Variants in ENO4 observed in about 807,000 individuals in gnomAD.
ENO4 encodes the protein enolase 4.
ENO4 carries 53 observed loss-of-function variants against 63.2 expected under a neutral mutation model. That is an observed-to-expected ratio of 0.84 (90% CI 0.67 to 1.05). The LOEUF (loss-of-function observed/expected upper bound fraction) is 1.05. Ranked by LOEUF, ENO4 falls within the 50% of genes least tolerant of loss-of-function variation. The pLI, the probability that ENO4 is intolerant of heterozygous loss-of-function variation, is 0.00. For synonymous variants in ENO4, 266 were observed against 283.8 expected (o/e 0.94, Z 0.63); for missense variants, 719 against 772.0 (o/e 0.93, Z 0.81).
intron 10 of ENO4, among the ~76,000 whole-genome samples, chr10:116,897,533 T>C (rs1227072107): frequency 6.6e-6 from 1 of 152,234 alleles, no homozygotes; most frequent in East Asian, 1.9e-4. Context: ...CCAAGTCATC[T>C]GGCCCACTCA....
intron 10 of ENO4, among the ~76,000 whole-genome samples, chr10:116,909,787 C>T (rs1848119130): frequency 6.6e-6 from 1 of 152,166 alleles, no homozygotes; most frequent in African/African-American, 2.4e-5. Context: ...CTAAGTCTTA[C>T]AACTTGGGTC....
At position 116,874,208 on chromosome 10, in the gene ENO4, A is replaced by T; in HGVS notation, c.1341+7A>T. The T allele has an allele frequency of 6.6e-7, 1 of 1,526,142 alleles. No individual in the cohort carries two copies. The highest frequency in any genetic ancestry group is 8.9e-7 in the Non-Finnish European group (1 of 1,128,862). The allele number at this position is 1,526,142 out of a possible 1,614,324, so 94.5% of individuals were successfully genotyped here. A position where few individuals can be genotyped will look rare whatever the true frequency, so the allele number is the denominator to read the frequency against. ...TGATCCTTTCAGGAAGGAGGTAAGC[A>T]CCCCACCTTCCATATTTTATAACAT... On this transcript the variant is annotated splice_region_variant and intron_variant, in intron 10 of 13. Transcript: ENST00000341276.
In ENO4 at chr10:116,872,876, C is replaced by T. The variant is rs1253363348; in HGVS notation, c.1216-1200C>T. ...AAGAGCCCTAAATTTTGCTTGACTT[C>T]TAAAAGTTCTTTTACTTTTCTAAAG... is the stretch of plus-strand genomic sequence containing the variant. On this transcript the variant is annotated intron_variant, in intron 9 of 13. Transcript: ENST00000341276. Among the ~76,000 whole-genome samples the T allele has an allele frequency of 2.0e-5, 3 of 152,180 alleles. No individual in the cohort carries two copies. The East Asian group carries it at 5.8e-4, about 29-fold the overall frequency.
At chr10:116,859,593 T>G (rs1323541940) in intron 4 of ENO4, among the ~76,000 whole-genome samples, 1 of 152,242 alleles carries the variant, frequency 6.6e-6, no homozygotes, top group African/African-American at 2.4e-5. Context: ...ATAGAAATTA[T>G]CACTTCAATT....
At chr10:116,890,981 A>C in intron 10 of ENO4, among the ~76,000 whole-genome samples, 1 of 152,204 alleles carries the variant, frequency 6.6e-6, no homozygotes, top group Admixed American at 6.5e-5. Flanking sequence ...ATTCAACAAC[A>C]TTCTAGCTAA....
chr10:116,855,894 C>A, intron 2 of ENO4, 143 bp downstream of exon 2: 1 of 968,082 alleles, frequency 1.0e-6, no homozygotes, highest in Non-Finnish European at 1.5e-6. Flanking sequence ...AAGCATGAAT[C>A]ATACCATCAA....
At chr10:116,912,046 A>C (rs1175361947), downstream of ENO4, among the ~76,000 whole-genome samples, 1 of 152,252 alleles carries the variant, frequency 6.6e-6, no homozygotes, top group Non-Finnish European at 1.5e-5. Context: ...ACAAAAAATA[A>C]GAAGTTATAT....
chr10:116,865,597 A>G (rs933111441), intron 7 of ENO4, among the ~76,000 whole-genome samples: 2 of 152,174 alleles, frequency 1.3e-5, no homozygotes, highest in Non-Finnish European at 2.9e-5. Flanking sequence ...AAATGTAGCA[A>G]TCTGTTCTTT....
At chr10:116,892,405 G>A (rs1260641564) in intron 10 of ENO4, among the ~76,000 whole-genome samples, 1 of 152,142 alleles carries the variant, frequency 6.6e-6, no homozygotes, top group Non-Finnish European at 1.5e-5. Context: ...CTTAAGCTTC[G>A]TTTTTTAGCT....
intron 7 of ENO4, among the ~76,000 whole-genome samples, chr10:116,868,145 T>C (rs1246517526): frequency 6.6e-6 from 1 of 152,228 alleles, no homozygotes; most frequent in Non-Finnish European, 1.5e-5. Context: ...TTAATGACCT[T>C]TGACTGTTTC....
chr10:116,901,654 T>A, intron 10 of ENO4: 3 of 1,355,062 alleles, frequency 2.2e-6, no homozygotes, highest in Non-Finnish European at 2.8e-6. Flanking sequence ...AGAAGAGAAT[T>A]TACCGGCGAG....
At chr10:116,909,997 C>T (rs1482037248) in intron 10 of ENO4, among the ~76,000 whole-genome samples, 1 of 152,128 alleles carries the variant, frequency 6.6e-6, no homozygotes, top group Non-Finnish European at 1.5e-5. Context: ...GGACCATGTG[C>T]TTTACAGGGT....
intron 2 of ENO4, 117 bp from the exon 3 acceptor site, chr10:116,856,375 T>A: frequency 1.3e-6 from 1 of 778,946 alleles, no homozygotes; most frequent in South Asian, 1.8e-5. Flanking sequence ...TTATATATTC[T>A]CATTGTCCCC....
At chr10:116,877,641 C>G (rs1430300669) in intron 11 of ENO4, among the ~76,000 whole-genome samples, 3 of 152,178 alleles carry the variant, frequency 2.0e-5, no homozygotes, top group Non-Finnish European at 4.4e-5. Context: ...GAGGCAGAAT[C>G]TGAGTCATGA....
At chr10:116,884,875 G>C (rs1292490694), downstream of ENO4, 2 of 153,796 alleles carry the variant, frequency 1.3e-5, no homozygotes, top group East Asian at 3.8e-4. Flanking sequence ...TTCGTTTCGT[G>C]AATTAATGCA....
chr10:116,849,665 G>C lies in ENO4; in HGVS notation c.99G>C (p.Pro33=). Residue 33 remains proline, a synonymous_variant, in exon 1 of 14, where the codon CCG becomes CCC. Transcript: ENST00000341276. ...AMEYYRENDV[P]RRLEELLNST... is the part of the protein sequence containing the mutation. Reference sequence around the variant, plus strand: ...AGTACTACCGGGAGAACGACGTTCCGCGCAGGCTGGAAGAGCTGCTCAACT... The same window carrying C: ...AGTACTACCGGGAGAACGACGTTCCCCGCAGGCTGGAAGAGCTGCTCAACT... 6.5e-7 allele frequency: 1 copy of C among 1,550,008 alleles called. No individual in the cohort carries two copies. The highest frequency in any genetic ancestry group is 8.7e-7 in the Non-Finnish European group (1 of 1,146,692).
At chr10:116,899,226 T>A (rs879808199) in intron 10 of ENO4, among the ~76,000 whole-genome samples, 2 of 151,872 alleles carry the variant, frequency 1.3e-5, no homozygotes, top group Admixed American at 1.3e-4. Flanking sequence ...ATAAATAAAG[T>A]ATATAGTAAG....
intron 13 of ENO4, among the ~76,000 whole-genome samples, 192 bp from the exon 14 acceptor site, chr10:116,881,323 G>C (rs933686054): frequency 6.6e-6 from 1 of 152,152 alleles, no homozygotes; most frequent in East Asian, 1.9e-4. Context: ...AAGTAAAATC[G>C]AACAGAACAT....
At chr10:116,860,484 G>A (rs1846380024) in intron 4 of ENO4, among the ~76,000 whole-genome samples, 1 of 152,172 alleles carries the variant, frequency 6.6e-6, no homozygotes, top group Non-Finnish European at 1.5e-5. Flanking sequence ...TCTGTTACAT[G>A]TTGGGCAAGT....
Sources: gnomAD v4.1 joint callset for allele counts (sites outside exome capture counted in the v4.1 genomes callset) on GRCh38, gnomAD v4.1.1 for gene constraint, MANE v1.5 for transcripts, NCBI Gene and HGNC (gene_info 2026-07-23, HGNC 2026-07-21) for gene names.